MYT1L: variants seen among roughly 807,000 people sequenced by gnomAD.
MYT1L encodes myelin transcription factor 1-like protein.
A neutral mutation model predicts 126.7 loss-of-function variants in MYT1L; 12 were observed. The observed-to-expected ratio is 0.09, with a 90% CI of 0.06 to 0.15. MYT1L has a LOEUF of 0.15. Among genes scored for constraint, MYT1L ranks in the 10% least tolerant of loss-of-function variants. The probability of loss-of-function intolerance (pLI) is 1.00; values close to 1 mark genes in which losing one functional copy is unlikely to be tolerated. For synonymous variants in MYT1L, 541 were observed against 604.2 expected (o/e 0.90, Z 1.53); for missense variants, 979 against 1,585.2 (o/e 0.62, Z 6.49).
At chr2:2,199,662 C>T (rs1200176135) in intron 2 of MYT1L, among the ~76,000 whole-genome samples, 1 of 152,176 alleles carries the variant, frequency 6.6e-6, no homozygotes, top group Non-Finnish European at 1.5e-5. Flanking sequence ...AGTTAGTCTC[C>T]TCTGTCTTTA....
intron 3 of MYT1L, among the ~76,000 whole-genome samples, chr2:2,131,378 C>G (rs1272300291): frequency 6.6e-6 from 1 of 152,206 alleles, no homozygotes; most frequent in Non-Finnish European, 1.5e-5. Flanking sequence ...AAAGGCAACA[C>G]AAGCATATTC....
chr2:2,151,749 A>C (rs1253542177), intron 3 of MYT1L, among the ~76,000 whole-genome samples: 1 of 152,238 alleles, frequency 6.6e-6, no homozygotes, highest in Non-Finnish European at 1.5e-5. Flanking sequence ...CAAAAAAAGT[A>C]GCTAATAAAA....
At chr2:2,271,920 G>A (rs540428597) in intron 2 of MYT1L, among the ~76,000 whole-genome samples, 10 of 152,332 alleles carry the variant, frequency 6.6e-5, no homozygotes, top group African/African-American at 2.4e-4. Context: ...TCTTCAAAGG[G>A]AGATATCAGA....
At chr2:1,795,163 G>A (rs1031397492) in intron 23 of MYT1L, among the ~76,000 whole-genome samples, 5 of 152,164 alleles carry the variant, frequency 3.3e-5, no homozygotes, top group Non-Finnish European at 5.9e-5. Context: ...ACTGCTGCCC[G>A]TTCCTTACTA....
At chr2:1,833,143 G>A (rs10153869) in intron 21 of MYT1L, among the ~76,000 whole-genome samples, 2,882 of 152,316 alleles carry the variant, frequency 0.019, 49 homozygotes, top group Non-Finnish European at 0.031. Context: ...TTCTCTGAGT[G>A]TAAAGCCAGT....
intron 18 of MYT1L, among the ~76,000 whole-genome samples, chr2:1,859,200 C>A (rs577306611): frequency 3.3e-5 from 5 of 152,326 alleles, no homozygotes; most frequent in Admixed American, 2.6e-4. Context: ...AAAACCTACA[C>A]ATTTCAAAGT....
intron 18 of MYT1L, among the ~76,000 whole-genome samples, chr2:1,853,568 C>T (rs1263415532): frequency 6.6e-6 from 1 of 152,190 alleles, no homozygotes; most frequent in African/African-American, 2.4e-5. Flanking sequence ...CAACAAAAAT[C>T]ATTCTATCCA....
chr2:2,056,726 T>C (rs184379776), intron 3 of MYT1L, among the ~76,000 whole-genome samples: 3 of 152,318 alleles, frequency 2.0e-5, no homozygotes, highest in Admixed American at 2.0e-4. Flanking sequence ...GGATGAACTC[T>C]TAAACGGCAT....
intron 18 of MYT1L, among the ~76,000 whole-genome samples, chr2:1,860,248 G>A (rs1431916279): frequency 1.3e-5 from 2 of 152,254 alleles, no homozygotes; most frequent in Non-Finnish European, 2.9e-5. Context: ...CAGCAGTGGA[G>A]CGGCTAAGCA....
chr2:2,137,013 G>A (rs2148102788), intron 3 of MYT1L, among the ~76,000 whole-genome samples: 1 of 152,220 alleles, frequency 6.6e-6, no homozygotes, highest in African/African-American at 2.4e-5. Context: ...AAATCAATGT[G>A]CAAAAATCAC....
intron 2 of MYT1L, 33 bp downstream of exon 2, chr2:2,284,371 T>TACA (rs1263142320): frequency 6.6e-6 from 1 of 152,140 alleles, no homozygotes; most frequent in Non-Finnish European, 1.5e-5. Context: ...ACATTCCTAA[T>TACA]ACAACGGTAA....
chr2:1,913,797 G>A (rs909470180), intron 11 of MYT1L, among the ~76,000 whole-genome samples: 2 of 152,148 alleles, frequency 1.3e-5, no homozygotes, highest in Admixed American at 1.3e-4. Context: ...TCCCAGCCTC[G>A]CCCCTGAATC....
chr2:2,329,400 A>G (rs1457424009), intron 1 of MYT1L, among the ~76,000 whole-genome samples: 2 of 152,150 alleles, frequency 1.3e-5, no homozygotes, highest in African/African-American at 4.8e-5. Flanking sequence ...GACTATATGT[A>G]CAGATCAAAA....
In MYT1L at chr2:2,225,037, A is replaced by G. The variant is rs920979555; in HGVS notation, c.-420-52049T>C. 3.9e-5 allele frequency among the ~76,000 whole-genome samples: 6 copies of G among 152,002 alleles called. No individual in the cohort carries two copies. The South Asian group carries it at 8.3e-4, about 21-fold the overall frequency. Reference sequence around the variant, plus strand: ...GGGTTTTTATTTTGTACTGGGTCCCACACATTGTGTGACCAGTCCTGTCTA... The same window carrying G: ...GGGTTTTTATTTTGTACTGGGTCCCGCACATTGTGTGACCAGTCCTGTCTA... On this transcript the variant is annotated intron_variant, in intron 2 of 24. Transcript: ENST00000647738.
At chr2:1,986,794 A>G (rs7608197) in intron 5 of MYT1L, among the ~76,000 whole-genome samples, 67,118 of 151,668 alleles carry the variant, frequency 0.44, 17,239 homozygotes, top group African/African-American at 0.72. Flanking sequence ...ATGCTGTGCA[A>G]GCAGTGGTGA....
At chr2:2,318,022 C>T (rs2096096313) in intron 1 of MYT1L, among the ~76,000 whole-genome samples, 1 of 152,158 alleles carries the variant, frequency 6.6e-6, no homozygotes, top group South Asian at 2.1e-4. Context: ...AAATCGTTTA[C>T]TGATTTTTTA....
intron 3 of MYT1L, among the ~76,000 whole-genome samples, chr2:2,069,727 G>T (rs115771661): frequency 0.037 from 5,589 of 151,872 alleles, 119 homozygotes; most frequent in Non-Finnish European, 0.057. Context: ...ATCCTCTCCA[G>T]TACCTGTTAT....
At position 1,832,072 on chromosome 2, in the gene MYT1L, C is replaced by T. The variant is rs187581556; in HGVS notation, c.3080+7077G>A. Among the ~76,000 whole-genome samples, 26 of 152,280 alleles carry T rather than the reference C, an allele frequency of 1.7e-4. No individual in the cohort carries two copies. In the East Asian group the frequency reaches 5.0e-3, roughly 29 times the overall value. On this transcript the variant is annotated intron_variant, in intron 21 of 24. Coordinates refer to ENST00000647738, the MANE Select transcript of MYT1L (RefSeq NM_001303052.2). ...TTATGGTGTGAGTATTTGTGTCCCT[C>T]GAGGTTCCTGTGTTGAAGCCCTAAC...
chr2:1,879,378 A>G (rs2047280381), intron 18 of MYT1L, among the ~76,000 whole-genome samples: 1 of 152,212 alleles, frequency 6.6e-6, no homozygotes, highest in Non-Finnish European at 1.5e-5. Context: ...AGACTCTCCC[A>G]TCACAGAGTG....
Sources: gnomAD v4.1 joint callset for allele counts (sites outside exome capture counted in the v4.1 genomes callset) on GRCh38, gnomAD v4.1.1 for gene constraint, MANE v1.5 for transcripts, NCBI Gene and HGNC (gene_info 2026-07-23, HGNC 2026-07-21) for gene names.